CSMD1: variants seen among roughly 807,000 people sequenced by gnomAD.
CSMD1 encodes the protein CUB and sushi domain-containing protein 1.
In CSMD1, 213 loss-of-function variants were observed where a neutral mutation model predicts 417.5. The ratio of observed to expected loss-of-function variants is 0.51; its 90% CI spans 0.46 to 0.57. The LOEUF (loss-of-function observed/expected upper bound fraction) is 0.57. Ranked by LOEUF, CSMD1 falls within the 20% of genes least tolerant of loss-of-function variation. The pLI is 0.00. For missense variants in CSMD1, 6,923 were observed against 4,529.7 expected (o/e 1.53, Z -15.17); for synonymous variants, 2,862 against 1,736.8 (o/e 1.65, Z -16.11).
chr8:3,113,781 C>T (rs1433669906), intron 42 of CSMD1, among the ~76,000 whole-genome samples: 2 of 152,204 alleles, frequency 1.3e-5, no homozygotes, highest in South Asian at 2.1e-4. Flanking sequence ...AGAAAATCAA[C>T]TGGGGGGTTG....
At chr8:4,202,844 A>G (rs954229376) in intron 3 of CSMD1, among the ~76,000 whole-genome samples, 14 of 152,218 alleles carry the variant, frequency 9.2e-5, no homozygotes. Flanking sequence ...CTGAAACTTG[A>G]AACATCAAAT....
chr8:4,788,509 C>A (rs1305782325), intron 1 of CSMD1: 1 of 1,389,836 alleles, frequency 7.2e-7, no homozygotes, highest in South Asian at 1.2e-5. Context: ...TAGTATGGAG[C>A]AAACTGTGAG....
At chr8:3,021,268 G>C (rs1018318425) in intron 51 of CSMD1, among the ~76,000 whole-genome samples, 3 of 152,186 alleles carry the variant, frequency 2.0e-5, no homozygotes, top group Admixed American at 6.5e-5. Context: ...CAATTGTAAA[G>C]AAGAAGTAAT....
intron 5 of CSMD1, among the ~76,000 whole-genome samples, chr8:3,841,984 G>A (rs1177821676): frequency 6.6e-6 from 1 of 152,098 alleles, no homozygotes; most frequent in African/African-American, 2.4e-5. Flanking sequence ...TTTTTCCATC[G>A]TGTTGCAGCA....
At chr8:3,783,063 A>G (rs981521517) in intron 5 of CSMD1, among the ~76,000 whole-genome samples, 11 of 152,122 alleles carry the variant, frequency 7.2e-5, no homozygotes, top group African/African-American at 2.7e-4. Context: ...TACTGTTGAA[A>G]GCAAGTCCCC....
intron 7 of CSMD1, among the ~76,000 whole-genome samples, chr8:3,644,619 C>G (rs1797482141): frequency 6.6e-6 from 1 of 152,070 alleles, no homozygotes; most frequent in Non-Finnish European, 1.5e-5. Context: ...TAAGAGATGG[C>G]TGTGCCAGAC....
intron 3 of CSMD1, among the ~76,000 whole-genome samples, chr8:4,391,386 A>T (rs1803840601): frequency 6.6e-6 from 1 of 152,152 alleles, no homozygotes; most frequent in African/African-American, 2.4e-5. Flanking sequence ...AGAAAAAGTG[A>T]TGTAAGACTT....
intron 1 of CSMD1, among the ~76,000 whole-genome samples, chr8:4,961,707 C>T (rs867043529): frequency 6.6e-5 from 10 of 151,982 alleles, no homozygotes; most frequent in South Asian, 6.2e-4. Context: ...GAAATGATAA[C>T]GTAATTTTAT....
chr8:3,448,956 T>C (rs1815508752), intron 12 of CSMD1, among the ~76,000 whole-genome samples: 2 of 152,268 alleles, frequency 1.3e-5, no homozygotes, highest in African/African-American at 4.8e-5. Flanking sequence ...GGAAAGAAGG[T>C]GACAGCCAAT....
At chr8:4,009,274 G>C (rs542903054) in intron 4 of CSMD1, among the ~76,000 whole-genome samples, 2 of 152,258 alleles carry the variant, frequency 1.3e-5, no homozygotes, top group Non-Finnish European at 2.9e-5. Flanking sequence ...TTTTAAAAAA[G>C]TGTATTTCTC....
chr8:3,642,522 G>T (rs969766326), intron 7 of CSMD1, among the ~76,000 whole-genome samples: 3 of 152,098 alleles, frequency 2.0e-5, no homozygotes, highest in African/African-American at 7.2e-5. Flanking sequence ...CCTTTATCCA[G>T]GTCTTCAAGT....
In CSMD1 at chr8:3,552,827, T is replaced by C. The variant is rs1462842195; in HGVS notation, c.1344+22118A>G. On this transcript the variant is annotated intron_variant, in intron 10 of 69. Transcript: ENST00000635120. ...CATTTTCATTAATTTTAAAATTGTA[T>C]AATTTATATTCTTTTAAATTAAGTT... Among the ~76,000 whole-genome samples the C allele has an allele frequency of 4.6e-5, 7 of 152,290 alleles. No homozygotes were observed. In the East Asian group the frequency reaches 1.3e-3, roughly 29 times the overall value.
chr8:3,233,740 G>C (rs1032138406), intron 26 of CSMD1, among the ~76,000 whole-genome samples: 1 of 151,848 alleles, frequency 6.6e-6, no homozygotes, highest in Admixed American at 6.6e-5. Context: ...TTTCACATTT[G>C]TACTTCTGTT....
chr8:4,338,524 G>A (rs959738517), intron 3 of CSMD1, among the ~76,000 whole-genome samples: 5 of 151,936 alleles, frequency 3.3e-5, no homozygotes, highest in South Asian at 2.1e-4. Flanking sequence ...AAAGTTCTTC[G>A]GCTTTTTCTA....
intron 3 of CSMD1, among the ~76,000 whole-genome samples, chr8:4,201,939 G>C (rs1025947424): frequency 3.4e-5 from 5 of 148,538 alleles, no homozygotes; most frequent in Non-Finnish European, 7.4e-5. Flanking sequence ...ATTTATTCAA[G>C]CCAACCACAA....
intron 1 of CSMD1, among the ~76,000 whole-genome samples, chr8:4,702,738 A>G (rs1404860905): frequency 6.6e-6 from 1 of 152,180 alleles, no homozygotes; most frequent in Non-Finnish European, 1.5e-5. Flanking sequence ...TTTCTTGTCT[A>G]TTCTGTGGAA....
intron 3 of CSMD1, among the ~76,000 whole-genome samples, chr8:4,199,123 T>G (rs1311500533): frequency 1.3e-5 from 2 of 152,162 alleles, no homozygotes; most frequent in African/African-American, 4.8e-5. Context: ...TCCGTAAAGT[T>G]CTCATATATT....
intron 1 of CSMD1, among the ~76,000 whole-genome samples, chr8:4,697,797 T>A (rs1438293445): frequency 6.6e-6 from 1 of 152,192 alleles, no homozygotes; most frequent in East Asian, 1.9e-4. Context: ...ACACACACAT[T>A]CTCATTCTGT....
chr8:3,567,445 A>T (rs904963369), intron 10 of CSMD1, among the ~76,000 whole-genome samples: 1 of 151,754 alleles, frequency 6.6e-6, no homozygotes, highest in African/African-American at 2.4e-5. Context: ...AATAAAAATA[A>T]AAATATAAAT....
Sources: gnomAD v4.1 joint callset for allele counts (sites outside exome capture counted in the v4.1 genomes callset) on GRCh38, gnomAD v4.1.1 for gene constraint, MANE v1.5 for transcripts, NCBI Gene and HGNC (gene_info 2026-07-23, HGNC 2026-07-21) for gene names.